IL1RAPL1: variants seen among roughly 807,000 people sequenced by gnomAD.
IL1RAPL1 encodes the protein interleukin-1 receptor accessory protein-like 1.
In IL1RAPL1, 3 loss-of-function variants were observed where a neutral mutation model predicts 48.4. That is an observed-to-expected ratio of 0.06 (90% confidence interval 0.03 to 0.16). The LOEUF (loss-of-function observed/expected upper bound fraction) is 0.16, where lower values mean the gene tolerates loss of function less well. IL1RAPL1 is among the 10% of genes least tolerant of loss of function. The pLI is 1.00. For missense variants in IL1RAPL1, 349 were observed against 530.6 expected (o/e 0.66, Z 3.36); for synonymous variants, 185 against 187.7 (o/e 0.99, Z 0.12).
intron 5 of IL1RAPL1, among the ~76,000 whole-genome samples, chrX:29,508,706 A>G (rs1012672999): frequency 1.8e-5 from 2 of 111,810 alleles, no homozygotes; most frequent in African/African-American, 6.5e-5. Flanking sequence ...ATCAACCAGT[A>G]TGATATGGAA....
intron 2 of IL1RAPL1, among the ~76,000 whole-genome samples, chrX:28,903,096 G>A (rs1351696298): frequency 1.8e-4 from 20 of 111,469 alleles, no homozygotes; most frequent in Non-Finnish European, 5.7e-5. Flanking sequence ...TGAAGCTTCA[G>A]TCACATATTT....
chrX:29,522,255 G>C (rs1480551122), intron 5 of IL1RAPL1, among the ~76,000 whole-genome samples: 1 of 111,132 alleles, frequency 9.0e-6, no homozygotes, highest in African/African-American at 3.3e-5. Context: ...TGCCTCCCAG[G>C]CTCAGGCAAT....
At chrX:29,610,617 G>A (rs780980488) in intron 5 of IL1RAPL1, among the ~76,000 whole-genome samples, 2 of 112,389 alleles carry the variant, frequency 1.8e-5, no homozygotes, top group East Asian at 5.6e-4. Context: ...AAAAGCAGGG[G>A]AAGATGTCAT....
intron 2 of IL1RAPL1, among the ~76,000 whole-genome samples, chrX:29,168,939 ATT>A (rs1929857384): frequency 1.3e-5 from 1 of 77,140 alleles, no homozygotes; most frequent in Admixed American, 1.4e-4. Flanking sequence ...GTATATATAT[ATT>A]CATATGTACA....
intron 1 of IL1RAPL1, among the ~76,000 whole-genome samples, chrX:28,599,973 G>A (rs1479499889): frequency 9.0e-6 from 1 of 111,596 alleles, no homozygotes. Context: ...TGACTGGCGG[G>A]GGGCTGCCCC....
At chrX:29,109,000 C>T (rs936895236) in intron 2 of IL1RAPL1, among the ~76,000 whole-genome samples, 49 of 109,792 alleles carry the variant, frequency 4.5e-4, no homozygotes, top group African/African-American at 1.6e-3. Context: ...TTTGTAAATG[C>T]GTTTCCCAAT....
Position 29,380,384 on chromosome X carries a change from C to T in IL1RAPL1, c.363-15874C>T, listed in dbSNP as rs751975031. ...CTGGGATTACAGGCATGCGTCACCACGCCCTGCTAATTTTGTATTTTTAAT... is the reference window on the plus strand; with the variant it reads ...CTGGGATTACAGGCATGCGTCACCATGCCCTGCTAATTTTGTATTTTTAAT... On this transcript the variant is annotated intron_variant, in intron 3 of 10. Coordinates refer to ENST00000378993, the MANE Select transcript of IL1RAPL1 (RefSeq NM_014271.4). Among the ~76,000 whole-genome samples the T allele has an allele frequency of 1.2e-4, 13 of 111,874 alleles. No homozygotes were observed. The East Asian group carries it at 3.4e-3, about 29-fold the overall frequency.
chrX:29,709,358 A>G (rs1002309536), intron 6 of IL1RAPL1, among the ~76,000 whole-genome samples: 1 of 111,624 alleles, frequency 9.0e-6, no homozygotes, highest in African/African-American at 3.3e-5. Flanking sequence ...ATTCTTCTAC[A>G]TGTGGATATC....
intron 2 of IL1RAPL1, among the ~76,000 whole-genome samples, chrX:29,134,566 G>A (rs1253023351): frequency 9.0e-6 from 1 of 111,393 alleles, no homozygotes; most frequent in African/African-American, 3.3e-5. Context: ...TCTTCTCTCA[G>A]CAGGTCTGTG....
At chrX:29,697,799 C>T (rs928010998) in intron 6 of IL1RAPL1, among the ~76,000 whole-genome samples, 16 of 111,406 alleles carry the variant, frequency 1.4e-4, no homozygotes, top group East Asian at 2.8e-4. Flanking sequence ...CCGACATGAG[C>T]GCATTAGCCA....
Position 29,362,650 on chromosome X carries a change from G to A in IL1RAPL1, c.363-33608G>A, listed in dbSNP as rs183043187. Among the ~76,000 whole-genome samples the A allele has an allele frequency of 1.2e-4, 13 of 111,820 alleles. No homozygotes were observed. In the East Asian group the frequency reaches 2.0e-3, roughly 17 times the overall value. On this transcript the variant is annotated intron_variant, in intron 3 of 10. Transcript: ENST00000378993. ...GTAGGGGTGTTTGATTTGAGACTCC[G>A]CTTAGAAACCACCATTTGTTTGCTG... is the stretch of plus-strand genomic sequence containing the variant.
chrX:29,879,466 C>A (rs1931982283), intron 6 of IL1RAPL1, among the ~76,000 whole-genome samples: 1 of 98,378 alleles, frequency 1.0e-5, no homozygotes, highest in African/African-American at 3.7e-5. Context: ...AACTGTATAC[C>A]AAGAGAAAAA....
chrX:29,101,948 A>T (rs749469259), intron 2 of IL1RAPL1, among the ~76,000 whole-genome samples: 1 of 111,751 alleles, frequency 8.9e-6, no homozygotes, highest in African/African-American at 3.3e-5. Context: ...AAAAATAAAT[A>T]ATTAAAAAAT....
At chrX:29,754,928 G>A (rs956371112) in intron 6 of IL1RAPL1, among the ~76,000 whole-genome samples, 2 of 112,694 alleles carry the variant, frequency 1.8e-5, no homozygotes, top group Admixed American at 9.4e-5. Context: ...TTGCTTCACA[G>A]TGTCTCATAG....
At chrX:28,756,103 A>C (rs1936102069) in intron 1 of IL1RAPL1, among the ~76,000 whole-genome samples, 1 of 111,060 alleles carries the variant, frequency 9.0e-6, no homozygotes, top group African/African-American at 3.3e-5. Context: ...TTTCCCCCAT[A>C]ACTTGAAATC....
intron 2 of IL1RAPL1, among the ~76,000 whole-genome samples, chrX:29,062,970 T>C (rs1332204331): frequency 8.9e-6 from 1 of 112,018 alleles, no homozygotes; most frequent in Non-Finnish European, 1.9e-5. Flanking sequence ...ACTTCTATTG[T>C]TCTTTTCACT....
chrX:28,986,585 T>G (rs1925479368), intron 2 of IL1RAPL1, among the ~76,000 whole-genome samples: 1 of 112,348 alleles, frequency 8.9e-6, no homozygotes, highest in East Asian at 2.8e-4. Context: ...AGTGGGTTCT[T>G]CCTTCACTTG....
chrX:29,095,922 TG>T (rs1928204231), intron 2 of IL1RAPL1, among the ~76,000 whole-genome samples: 1 of 111,457 alleles, frequency 9.0e-6, no homozygotes. Context: ...TGGACACATA[TG>T]ATAAGTTCAG....
At chrX:29,165,849 C>G (rs1039968881) in intron 2 of IL1RAPL1, among the ~76,000 whole-genome samples, 1 of 111,796 alleles carries the variant, frequency 8.9e-6, no homozygotes, top group African/African-American at 3.2e-5. Context: ...GAGCTACAGG[C>G]ATTTTGAAGA....
Sources: allele counts gnomAD v4.1 joint callset (sites outside exome capture counted in the v4.1 genomes callset), GRCh38; gene constraint gnomAD v4.1.1; transcripts MANE v1.5; gene names NCBI Gene and HGNC (gene_info 2026-07-23, HGNC 2026-07-21).